The following RBFOX1 variants were observed in gnomAD, a reference collection of about 807,000 sequenced individuals.
RBFOX1 encodes the protein RNA binding fox-1 homolog 1.
In RBFOX1, 8 loss-of-function variants were observed where a neutral mutation model predicts 57.7. The ratio of observed to expected loss-of-function variants is 0.14; its 90% CI spans 0.08 to 0.25. The LOEUF (loss-of-function observed/expected upper bound fraction) is 0.25. RBFOX1 is among the 10% of genes least tolerant of loss of function. RBFOX1 has a pLI of 1.00. For synonymous variants in RBFOX1, 326 were observed against 222.4 expected (o/e 1.47, Z -4.15); for missense variants, 611 against 548.5 (o/e 1.11, Z -1.14).
At chr16:7,543,220 G>A (rs1411689188) in intron 5 of RBFOX1, among the ~76,000 whole-genome samples, 1 of 152,168 alleles carries the variant, frequency 6.6e-6, no homozygotes, top group African/African-American at 2.4e-5. Context: ...ATGGGAATAT[G>A]GTTTTAACAA....
chr16:5,321,010 G>T (rs933321819), intron 1 of RBFOX1, among the ~76,000 whole-genome samples: 2 of 152,150 alleles, frequency 1.3e-5, no homozygotes, highest in East Asian at 1.9e-4. Flanking sequence ...TTATTTCCAC[G>T]TGTTGCTGCT....
At chr16:6,583,253 T>C (rs1304206421) in intron 2 of RBFOX1, among the ~76,000 whole-genome samples, 1 of 152,170 alleles carries the variant, frequency 6.6e-6, no homozygotes, top group Non-Finnish European at 1.5e-5. Context: ...ATGGCACTCA[T>C]TGGCCAGCTT....
intron 3 of RBFOX1, among the ~76,000 whole-genome samples, chr16:7,011,731 G>T (rs1206036634): frequency 2.0e-5 from 3 of 152,146 alleles, no homozygotes; most frequent in African/African-American, 7.2e-5. Flanking sequence ...AGTCAGGATG[G>T]TCTCGATCTC....
chr16:6,219,883 A>T (rs1265032435), intron 1 of RBFOX1, among the ~76,000 whole-genome samples: 2 of 152,142 alleles, frequency 1.3e-5, no homozygotes, highest in African/African-American at 4.8e-5. Context: ...TGTCAAAAAA[A>T]CAAACAAACA....
intron 3 of RBFOX1, among the ~76,000 whole-genome samples, chr16:6,918,177 G>A (rs903367092): frequency 6.6e-6 from 1 of 151,822 alleles, no homozygotes; most frequent in African/African-American, 2.4e-5. Flanking sequence ...AGCTACTAGA[G>A]AAGCTGAGGC....
intron 3 of RBFOX1, among the ~76,000 whole-genome samples, chr16:5,747,250 G>A (rs2053021110): frequency 6.6e-6 from 1 of 152,154 alleles, no homozygotes; most frequent in African/African-American, 2.4e-5. Flanking sequence ...GATCATGGTG[G>A]ATAAGCTTTG....
chr16:6,105,702 AAATT>A (rs1245856208), intron 1 of RBFOX1, among the ~76,000 whole-genome samples: 2 of 151,580 alleles, frequency 1.3e-5, no homozygotes, highest in South Asian at 2.1e-4. Flanking sequence ...ATATATATAT[AAATT>A]AATTCCCTTG....
chr16:5,747,297 T>C, intron 3 of RBFOX1, among the ~76,000 whole-genome samples: 1 of 152,244 alleles, frequency 6.6e-6, no homozygotes, highest in East Asian at 1.9e-4. Context: ...AGTATTTTAT[T>C]GAGGATTTTT....
rs150347887 is a variant in RBFOX1, at chr16:7,159,951, T to C, written c.27+107853T>C. ...TTATACCTTTGTTTTTCACTAAATA[T>C]CAGAATTCCTTCCTTGAGGGGGGAG... On this transcript the variant is annotated intron_variant, in intron 4 of 15. Transcript: ENST00000550418. Among the ~76,000 whole-genome samples the C allele has an allele frequency of 4.4e-4, 67 of 152,312 alleles. No homozygotes were observed. The East Asian group carries it at 0.011, about 25-fold the overall frequency.
At chr16:6,489,823 C>CA (rs1468403179) in intron 2 of RBFOX1, among the ~76,000 whole-genome samples, 1 of 152,110 alleles carries the variant, frequency 6.6e-6, no homozygotes, top group Non-Finnish European at 1.5e-5. Context: ...CCAACAACAG[C>CA]AAAAAAGCCA....
chr16:7,412,531 A>T (rs1450778678), intron 4 of RBFOX1, among the ~76,000 whole-genome samples: 2 of 152,144 alleles, frequency 1.3e-5, no homozygotes, highest in African/African-American at 4.8e-5. Context: ...TTTTATTTTT[A>T]AAAAGGGAAA....
At chr16:5,513,119 T>C (rs2043665237) in intron 2 of RBFOX1, among the ~76,000 whole-genome samples, 1 of 152,168 alleles carries the variant, frequency 6.6e-6, no homozygotes, top group African/African-American at 2.4e-5. Flanking sequence ...GTTACTATGC[T>C]GTCCAGGCTG....
At chr16:7,503,373 C>G (rs1192913725) in intron 4 of RBFOX1, among the ~76,000 whole-genome samples, 2 of 152,186 alleles carry the variant, frequency 1.3e-5, no homozygotes, top group Non-Finnish European at 2.9e-5. Flanking sequence ...GATCAATTTC[C>G]TCCTTTAGAA....
At chr16:5,403,368 C>CAAAAA (rs1188182295) in intron 1 of RBFOX1, among the ~76,000 whole-genome samples, 2 of 116,254 alleles carry the variant, frequency 1.7e-5, no homozygotes, top group Non-Finnish European at 1.9e-5. Flanking sequence ...AAAAAAAAAA[C>CAAAAA]AAAAAACAAA....
At chr16:6,924,168 A>AT (rs1458749452) in intron 3 of RBFOX1, among the ~76,000 whole-genome samples, 19 of 98,326 alleles carry the variant, frequency 1.9e-4, no homozygotes, top group South Asian at 3.7e-4. Context: ...CTCTGTCTCA[A>AT]AAATAATAAT....
chr16:5,592,563 C>G (rs1036519752), intron 2 of RBFOX1, among the ~76,000 whole-genome samples: 2 of 152,072 alleles, frequency 1.3e-5, no homozygotes, highest in Admixed American at 6.6e-5. Flanking sequence ...ATTACAGACT[C>G]CCACCACCAT....
chr16:6,881,717 C>A (rs151036290), intron 3 of RBFOX1, among the ~76,000 whole-genome samples: 1 of 152,152 alleles, frequency 6.6e-6, no homozygotes, highest in South Asian at 2.1e-4. Context: ...TTTGCGGGGA[C>A]AATTTAACAC....
chr16:7,546,381 T>TAAAATAAAATAAA (rs2084550860), intron 5 of RBFOX1, among the ~76,000 whole-genome samples: 1 of 148,006 alleles, frequency 6.8e-6, no homozygotes, highest in African/African-American at 2.6e-5. Flanking sequence ...AATAAAATAA[T>TAAAATAAAATAAA]AAAATAAAAT....
intron 3 of RBFOX1, among the ~76,000 whole-genome samples, chr16:6,697,390 A>G (rs930037365): frequency 6.6e-6 from 1 of 152,158 alleles, no homozygotes; most frequent in African/African-American, 2.4e-5. Context: ...CAGAAACCCA[A>G]TTCAAACTAC....
Sources: gnomAD v4.1 joint callset for allele counts (sites outside exome capture counted in the v4.1 genomes callset) on GRCh38, gnomAD v4.1.1 for gene constraint, MANE v1.5 for transcripts, NCBI Gene and HGNC (gene_info 2026-07-23, HGNC 2026-07-21) for gene names.